The following CD276 variants were observed in gnomAD, a reference collection of about 807,000 sequenced individuals.
The protein encoded by CD276 is CD276 molecule.
A neutral mutation model predicts 50.0 loss-of-function variants in CD276; 34 were observed. The observed-to-expected ratio is 0.68, with a 90% confidence interval of 0.52 to 0.91. CD276 has a LOEUF of 0.91. Ranked by LOEUF, CD276 falls within the 40% of genes least tolerant of loss-of-function variation. The pLI, the probability that CD276 is intolerant of heterozygous loss-of-function variation, is 0.00. For missense variants in CD276, 634 were observed against 717.5 expected (o/e 0.88, Z 1.33); for synonymous variants, 275 against 313.0 (o/e 0.88, Z 1.28).
In CD276 at chr15:73,712,929, T is replaced by G. The variant is rs1567025485; in HGVS notation, c.1583-5T>G. On this transcript the variant is annotated splice_region_variant and splice_polypyrimidine_tract_variant and intron_variant, in intron 9 of 9. Coordinates refer to ENST00000318443, the MANE Select transcript of CD276 (RefSeq NM_001024736.2). ...CCTTTTTTTTCTTCCCATCATGAAA[T>G]GAAGATGATGGACAAGAAATAGCCT... 6 of 1,613,492 alleles carry G rather than the reference T, an allele frequency of 3.7e-6. No homozygotes were observed. The highest frequency in any genetic ancestry group is 5.1e-6 in the Non-Finnish European group (6 of 1,179,556).
In CD276 at chr15:73,708,392, G is replaced by T; in HGVS notation, c.1423G>T (p.Val475Phe). The stretch of plus-strand genomic sequence containing the variant: ...CCTGTGGGTGACCGTGGGGCTGTCT[G>T]TCTGTCTCATTGCACTGCTGGTGGC... ...EALWVTVGLS[V>F]CLIALLVALA... Residue 475 changes from valine (V) to phenylalanine (F), a missense_variant, in exon 7 of 10, where the codon GTC (valine) becomes TTC (phenylalanine). By Grantham distance (50) the Val-to-Phe change is conservative. Coordinates refer to ENST00000318443, the MANE Select transcript of CD276 (RefSeq NM_001024736.2). 6.2e-7 allele frequency: 1 copy of T among 1,614,114 alleles called. No individual in the cohort carries two copies. The highest frequency in any genetic ancestry group is 1.7e-5 in the Admixed American group (1 of 60,030).
intron 1 of CD276, among the ~76,000 whole-genome samples, chr15:73,694,586 G>T (rs1025043120): frequency 6.6e-6 from 1 of 152,126 alleles, no homozygotes; most frequent in African/African-American, 2.4e-5. Flanking sequence ...AGTCCCTCAG[G>T]GTTCTTCTGT....
chr15:73,690,104 T>G (rs560162698), intron 1 of CD276, among the ~76,000 whole-genome samples: 14 of 152,346 alleles, frequency 9.2e-5, no homozygotes. Context: ...TCCAGATCCT[T>G]TCCCCATATA....
intron 2 of CD276, among the ~76,000 whole-genome samples, chr15:73,699,934 G>A (rs1247608763): frequency 1.3e-5 from 2 of 152,142 alleles, no homozygotes; most frequent in African/African-American, 2.4e-5. Flanking sequence ...AAATGAGATC[G>A]TGCTATTTCT....
At chr15:73,703,482 T>C (rs753923103) in intron 4 of CD276, among the ~76,000 whole-genome samples, 177 bp from the exon 5 acceptor site, 30 of 152,138 alleles carry the variant, frequency 2.0e-4, no homozygotes, top group South Asian at 4.1e-4. Context: ...TCTCAGAAGA[T>C]TGGGGAGACT....
chr15:73,703,141 G>C, intron 4 of CD276, 55 bp downstream of exon 4: 1 of 1,515,350 alleles, frequency 6.6e-7, no homozygotes, highest in Non-Finnish European at 8.9e-7. Context: ...CTGTCGGCAG[G>C]GGTTGGGAGC....
At chr15:73,693,263 A>C (rs1458779263) in intron 1 of CD276, among the ~76,000 whole-genome samples, 1 of 152,166 alleles carries the variant, frequency 6.6e-6, no homozygotes, top group Non-Finnish European at 1.5e-5. Flanking sequence ...TTAATCCACC[A>C]ACAAATTATT....
rs768034811 is a variant in CD276, at chr15:73,699,673, G to A, written c.34G>A (p.Val12Met). ...TCGGCGGGGCAGCCCTGGCATGGGT[G>A]TGCATGTGGGTGCAGCCCTGGGAGC... Reference protein sequence around the residue: ...LRRRGSPGMGVHVGAALGALW... With the variant: ...LRRRGSPGMGMHVGAALGALW... Residue 12 changes from valine (V) to methionine (M), a missense_variant, in exon 2 of 10, where the codon GTG becomes ATG. Val to Met is a conservative substitution (Grantham distance 21). Transcript: ENST00000318443. The A allele has an allele frequency of 1.2e-6, 2 of 1,612,904 alleles. No individual in the cohort carries two copies. Among genetic ancestry groups the A allele is most frequent in the South Asian group, 2.2e-5 (2 of 90,908 alleles).
chr15:73,689,192 G>GTA (rs1159231190), intron 1 of CD276, among the ~76,000 whole-genome samples: 1 of 124,514 alleles, frequency 8.0e-6, no homozygotes, highest in African/African-American at 3.2e-5. Context: ...TGCCTCCTGT[G>GTA]TGTGTGTGTG....
chr15:73,709,836 G>C (rs1900821734), intron 8 of CD276, 147 bp downstream of exon 8: 1 of 730,508 alleles, frequency 1.4e-6, no homozygotes, highest in Non-Finnish European at 2.2e-6. Flanking sequence ...ACCCCGGTGA[G>C]TCTGCTCTTT....
At chr15:73,712,774 G>A (rs777486631) in intron 9 of CD276, among the ~76,000 whole-genome samples, 160 bp from the exon 10 acceptor site, 1 of 152,226 alleles carries the variant, frequency 6.6e-6, no homozygotes, top group Non-Finnish European at 1.5e-5. Context: ...CTCCAGGGCC[G>A]TGGTCAGCAC....
chr15:73,708,536 G>A, intron 7 of CD276, 63 bp downstream of exon 7: 1 of 1,534,176 alleles, frequency 6.5e-7, no homozygotes, highest in Non-Finnish European at 8.8e-7. Flanking sequence ...GTATGTTGCT[G>A]TCTTTGATGT....
At chr15:73,695,436 C>T (rs1314877062) in intron 1 of CD276, among the ~76,000 whole-genome samples, 1 of 152,154 alleles carries the variant, frequency 6.6e-6, no homozygotes, top group Non-Finnish European at 1.5e-5. Flanking sequence ...GTTATCATGC[C>T]TCTGAGGTGC....
In CD276 at chr15:73,704,610, T is replaced by C. The variant is rs76568169; in HGVS notation, c.1369+138T>C. 1.4e-3 allele frequency: 1,634 copies of C among 1,169,114 alleles called. 49 individuals are homozygous for C. In the Admixed American group the frequency reaches 0.031, roughly 23 times the overall value. 72.4% of individuals were successfully genotyped at this position (1,169,114 alleles called of 1,614,324 possible). On this transcript the variant is annotated intron_variant, in intron 6 of 9. Transcript: ENST00000318443. The surrounding 1 kb of genome is among the most constrained non-coding windows in gnomAD (Gnocchi z 4.1). ...TCATAGACTTCAGGTGCTCACACTC[T>C]TCCCCACAAGTCCTTAAGGGACTCG...
chr15:73,684,558 G>C (rs1487641589), intron 1 of CD276, 98 bp downstream of exon 1: 1 of 116,436 alleles, frequency 8.6e-6, no homozygotes, highest in East Asian at 2.7e-4. Context: ...TTCCCGCTCA[G>C]GGCTGCAGGA....
chr15:73,694,762 A>G (rs1051917485), intron 1 of CD276, among the ~76,000 whole-genome samples: 16 of 152,210 alleles, frequency 1.1e-4, no homozygotes, highest in Admixed American at 6.5e-5. Flanking sequence ...TACACATTGC[A>G]TGGCCACACT....
At chr15:73,690,624 G>A (rs6495076) in intron 1 of CD276, 238,533 of 450,574 alleles carry the variant, frequency 0.53, 63,633 homozygotes, top group East Asian at 0.58. Flanking sequence ...TTTATCAGGA[G>A]CCCACTTTTC....
chr15:73,710,417 G>A (rs950389298), intron 8 of CD276, among the ~76,000 whole-genome samples: 1 of 152,190 alleles, frequency 6.6e-6, no homozygotes, highest in African/African-American at 2.4e-5. Context: ...TAGGAGCATG[G>A]CACAGTAAGC....
chr15:73,712,758 C>T (rs953188048), intron 9 of CD276, among the ~76,000 whole-genome samples, 176 bp from the exon 10 acceptor site: 25 of 152,210 alleles, frequency 1.6e-4, no homozygotes, highest in African/African-American at 5.5e-4. Context: ...GCATCTGTGT[C>T]TGGGCCTCCA....
Sources: gnomAD v4.1 joint callset for allele counts (sites outside exome capture counted in the v4.1 genomes callset) on GRCh38, gnomAD v4.1.1 for gene constraint, Gnocchi (gnomAD v3.1) non-coding constraint, MANE v1.5 for transcripts, NCBI Gene and HGNC (gene_info 2026-07-23, HGNC 2026-07-21) for gene names.